PIP5K1B: variants seen among roughly 807,000 people sequenced by gnomAD.
PIP5K1B encodes the protein phosphatidylinositol 4-phosphate 5-kinase type-1 beta.
PIP5K1B carries 42 observed loss-of-function variants against 67.0 expected under a neutral mutation model. The ratio of observed to expected loss-of-function variants is 0.63; its 90% CI spans 0.49 to 0.81. PIP5K1B has a LOEUF of 0.81. Among genes scored for constraint, PIP5K1B ranks in the 30% least tolerant of loss-of-function variants. PIP5K1B has a pLI of 0.00. For missense variants in PIP5K1B, 459 were observed against 646.3 expected (o/e 0.71, Z 3.14); for synonymous variants, 214 against 231.4 (o/e 0.92, Z 0.68).
At chr9:68,932,134 A>G (rs1253072108) in intron 12 of PIP5K1B, among the ~76,000 whole-genome samples, 1 of 152,192 alleles carries the variant, frequency 6.6e-6, no homozygotes, top group Non-Finnish European at 1.5e-5. Flanking sequence ...ATGAAATGCC[A>G]TGAGTATAGG....
At chr9:68,724,726 G>A (rs1021700965) in intron 1 of PIP5K1B, among the ~76,000 whole-genome samples, 2 of 151,444 alleles carry the variant, frequency 1.3e-5, no homozygotes, top group East Asian at 1.9e-4. Flanking sequence ...TTTTCGATTT[G>A]ATCACTGTTC....
intron 7 of PIP5K1B, 92 bp from the exon 8 acceptor site, chr9:68,894,247 T>C (rs1001240580): frequency 1.2e-6 from 1 of 810,732 alleles, no homozygotes; most frequent in African/African-American, 1.7e-5. Context: ...CCATTTTTAA[T>C]TATTATATCA....
chr9:68,869,592 G>A (rs1459147030), intron 5 of PIP5K1B, among the ~76,000 whole-genome samples: 6 of 152,144 alleles, frequency 3.9e-5, no homozygotes, highest in Admixed American at 1.3e-4. Flanking sequence ...AATTGTCTGC[G>A]GCTGCTATCT....
chr9:68,926,913 C>T lies in PIP5K1B; in HGVS notation c.1201+3527C>T, dbSNP rs573553634. Among the ~76,000 whole-genome samples the T allele has an allele frequency of 5.9e-5, 9 of 152,186 alleles. No individual in the cohort carries two copies. In the South Asian group the frequency reaches 1.9e-3, roughly 32 times the overall value. On this transcript the variant is annotated intron_variant, in intron 12 of 15. Transcript: ENST00000265382. The stretch of plus-strand genomic sequence containing the variant: ...CATTTTCATTACCCCAAAAAGAAAC[C>T]CCATACCCATTAGCAGTCACTCCCC...
chr9:68,901,158 C>G (rs555303439), intron 8 of PIP5K1B, among the ~76,000 whole-genome samples: 1 of 152,210 alleles, frequency 6.6e-6, no homozygotes, highest in Non-Finnish European at 1.5e-5. Flanking sequence ...TTAAATTATC[C>G]TCTCATCAAT....
At chr9:68,769,547 A>C (rs1034204521) in intron 2 of PIP5K1B, among the ~76,000 whole-genome samples, 5 of 152,238 alleles carry the variant, frequency 3.3e-5, no homozygotes, top group African/African-American at 1.2e-4. Flanking sequence ...ATTTATGAGA[A>C]AAGAACAATG....
At chr9:68,731,050 C>G (rs1252886317) in intron 1 of PIP5K1B, among the ~76,000 whole-genome samples, 1 of 152,182 alleles carries the variant, frequency 6.6e-6, no homozygotes, top group Non-Finnish European at 1.5e-5. Context: ...TCTTCACTGT[C>G]AAGGAAAGTT....
intron 11 of PIP5K1B, among the ~76,000 whole-genome samples, chr9:68,921,189 A>T (rs1826382156): frequency 6.6e-6 from 1 of 152,146 alleles, no homozygotes; most frequent in Admixed American, 6.6e-5. Flanking sequence ...AGCTGGGTGT[A>T]GGGGCATGTG....
intron 12 of PIP5K1B, among the ~76,000 whole-genome samples, chr9:68,926,210 T>G (rs1826692335): frequency 6.6e-6 from 1 of 152,164 alleles, no homozygotes. Context: ...AGCCCTTTAA[T>G]GTTCTAGCTT....
intron 5 of PIP5K1B, among the ~76,000 whole-genome samples, chr9:68,874,636 T>C (rs1190435197): frequency 6.6e-6 from 1 of 152,224 alleles, no homozygotes; most frequent in Admixed American, 6.5e-5. Context: ...GCATCCTCTC[T>C]GATAAAATCT....
At chr9:68,866,269 C>T (rs1823349155) in intron 5 of PIP5K1B, among the ~76,000 whole-genome samples, 1 of 149,680 alleles carries the variant, frequency 6.7e-6, no homozygotes, top group African/African-American at 2.5e-5. Context: ...GCACTCCAGT[C>T]TGGGCGACAG....
chr9:68,788,071 C>G (rs778352131), intron 2 of PIP5K1B, among the ~76,000 whole-genome samples: 1 of 152,230 alleles, frequency 6.6e-6, no homozygotes, highest in Non-Finnish European at 1.5e-5. Flanking sequence ...CATCAAGCAT[C>G]TCTACCCCCA....
At chr9:68,953,088 G>A (rs1010999214) in intron 14 of PIP5K1B, among the ~76,000 whole-genome samples, 12 of 151,428 alleles carry the variant, frequency 7.9e-5, no homozygotes, top group Non-Finnish European at 1.2e-4. Context: ...TTTCCTTTTT[G>A]TAATTCCTTT....
chr9:68,955,617 A>G (rs1175262941), intron 14 of PIP5K1B, among the ~76,000 whole-genome samples: 3 of 152,246 alleles, frequency 2.0e-5, no homozygotes, highest in African/African-American at 7.2e-5. Context: ...TCTCAGATGT[A>G]ACCAGAGCAT....
At chr9:68,882,212 A>G (rs1457245898) in intron 6 of PIP5K1B, among the ~76,000 whole-genome samples, 1 of 152,190 alleles carries the variant, frequency 6.6e-6, no homozygotes, top group African/African-American at 2.4e-5. Context: ...AAATGTTCCC[A>G]TCTCTCCTCT....
chr9:68,873,502 G>A (rs1823729298), intron 5 of PIP5K1B, among the ~76,000 whole-genome samples: 1 of 151,660 alleles, frequency 6.6e-6, no homozygotes, highest in African/African-American at 2.4e-5. Flanking sequence ...TACCCAGGCT[G>A]GACTTTTTGG....
chr9:68,740,301 C>T (rs963707), intron 1 of PIP5K1B, among the ~76,000 whole-genome samples: 111,577 of 152,198 alleles, frequency 0.73, 41,967 homozygotes, highest in African/African-American at 0.91. Context: ...AGGACATGGA[C>T]ACTCTCAGAA....
intron 1 of PIP5K1B, among the ~76,000 whole-genome samples, chr9:68,737,749 C>T (rs989871023): frequency 3.3e-5 from 5 of 152,190 alleles, no homozygotes; most frequent in Middle Eastern, 3.2e-3. Context: ...GTGTGAAATG[C>T]ACCCTTGCAA....
chr9:68,961,085 C>CTGTA (rs899942315), intron 14 of PIP5K1B, among the ~76,000 whole-genome samples: 3 of 152,056 alleles, frequency 2.0e-5, no homozygotes, highest in African/African-American at 7.2e-5. Flanking sequence ...TGGCGGGCGC[C>CTGTA]TGTAGTCCCA....
Sources: gnomAD v4.1 joint callset for allele counts (sites outside exome capture counted in the v4.1 genomes callset) on GRCh38, gnomAD v4.1.1 for gene constraint, MANE v1.5 for transcripts, NCBI Gene and HGNC (gene_info 2026-07-23, HGNC 2026-07-21) for gene names.